The following RPGR variants were observed in gnomAD, a reference collection of about 807,000 sequenced individuals.
The protein encoded by RPGR is X-linked retinitis pigmentosa GTPase regulator.
A neutral mutation model predicts 56.3 loss-of-function variants in RPGR; 10 were observed. The ratio of observed to expected loss-of-function variants is 0.18; its 90% CI spans 0.11 to 0.30. The LOEUF (loss-of-function observed/expected upper bound fraction) is 0.30, where lower values mean the gene tolerates loss of function less well. Ranked by LOEUF, RPGR falls within the 10% of genes least tolerant of loss-of-function variation. The pLI, the probability that RPGR is intolerant of heterozygous loss-of-function variation, is 1.00. For synonymous variants in RPGR, 197 were observed against 212.9 expected, an observed-to-expected ratio of 0.93 and a Z score of 0.65; for missense variants, 538 against 590.9, an observed-to-expected ratio of 0.91 and a Z score of 0.93.
At chrX:38,279,160 CACTT>C in intron 15 of RPGR, 1 of 331,236 alleles carries the variant, frequency 3.0e-6, no homozygotes, top group South Asian at 2.6e-5. Context: ...TCACAGAAAG[CACTT>C]ACCTTTTAAA....
Position 38,301,242 on chromosome X carries a change from C to T in RPGR, c.1059+5G>A, listed in dbSNP as rs1167310152. On this transcript the variant is annotated splice_donor_5th_base_variant and intron_variant, in intron 9 of 18. Transcript: ENST00000642395. ...AATATAAACAGGGAAATGTGATGCC[C>T]TTACCAATTTAACTATAAACCTCAA... The T allele has an allele frequency of 2.5e-6, 3 of 1,191,320 alleles. No individual in the cohort carries two copies. The highest frequency in any genetic ancestry group is 3.4e-6 in the Non-Finnish European group (3 of 880,123).
chrX:38,277,512 T>C (rs1373310766), intron 15 of RPGR, among the ~76,000 whole-genome samples: 1 of 111,173 alleles, frequency 9.0e-6, no homozygotes, highest in Non-Finnish European at 1.9e-5. Context: ...TGAAATACTC[T>C]GATTGTCATT....
intron 6 of RPGR, among the ~76,000 whole-genome samples, chrX:38,312,242 C>T (rs2067732261): frequency 9.0e-6 from 1 of 111,469 alleles, no homozygotes; most frequent in Non-Finnish European, 1.9e-5. Flanking sequence ...AAAGTGGTGC[C>T]CAGTAAGTTA....
chrX:38,292,046 T>C (rs1035908436), intron 11 of RPGR, among the ~76,000 whole-genome samples: 1 of 110,805 alleles, frequency 9.0e-6, no homozygotes, highest in East Asian at 2.9e-4. Context: ...TCACTTGCTC[T>C]GTAGGAGTCC....
intron 15 of RPGR, chrX:38,287,083 C>T (rs1245516399): frequency 2.5e-6 from 3 of 1,208,282 alleles, no homozygotes; most frequent in African/African-American, 3.5e-5. Context: ...TTTTGCCTTG[C>T]CTTCACTCAC....
Position 38,297,324 on chromosome X carries a change from A to T in RPGR, c.1374T>A (p.Ser458Arg). The change falls in exon 11 of 19, where the codon AGT (serine) becomes AGA (arginine). Residue 458 changes from serine to arginine, a missense_variant. Ser to Arg is a moderately radical substitution (Grantham distance 110, BLOSUM62 -1). Coordinates refer to ENST00000642395, the MANE Select transcript of RPGR (RefSeq NM_000328.3). ...GCATGAGGTCCTGTTCAGATAAGAC[A>T]CTCTCTTGGAGGTTTCTCTCAGAAC... is the stretch of plus-strand genomic sequence containing the variant. 8.3e-7 allele frequency: 1 copy of T among 1,210,184 alleles called. No individual in the cohort carries two copies. The highest frequency in any genetic ancestry group is 1.1e-6 in the Non-Finnish European group (1 of 895,033).
chrX:38,301,455 A>G, intron 8 of RPGR, 84 bp from the exon 9 acceptor site: 1 of 872,184 alleles, frequency 1.1e-6, no homozygotes, highest in African/African-American at 2.0e-5. Context: ...GTTAACTCAT[A>G]CTGCAATTAT....
chrX:38,286,440 T>G, intron 15 of RPGR: 1 of 690,669 alleles, frequency 1.4e-6, no homozygotes. Flanking sequence ...TCCCTTCTCC[T>G]TCCTCCTCTT....
At chrX:38,299,281 G>A in intron 9 of RPGR, 140 bp from the exon 10 acceptor site, 2 of 562,213 alleles carry the variant, frequency 3.6e-6, no homozygotes, top group Non-Finnish European at 3.0e-6. Context: ...CTGTCTATAC[G>A]TATGTGTGTG....
chrX:38,325,282 G>A (rs1486943707), intron 1 of RPGR, among the ~76,000 whole-genome samples: 3 of 110,686 alleles, frequency 2.7e-5, no homozygotes, highest in Non-Finnish European at 5.7e-5. Flanking sequence ...GTTACAGAGG[G>A]TATGCACTAC....
chrX:38,285,583 T>G lies in RPGR; in HGVS notation c.1905+1511A>C, dbSNP rs756242105. On this transcript the variant is annotated intron_variant, in intron 15 of 18. Coordinates refer to ENST00000642395, the MANE Select transcript of RPGR (RefSeq NM_000328.3). Reference sequence around the variant, plus strand: ...ATGTGGTAATACATTATTCCAGAACTTTTTGGAACCTGATGGCCCGTTTTT... The same window carrying G: ...ATGTGGTAATACATTATTCCAGAACGTTTTGGAACCTGATGGCCCGTTTTT... 12 of 1,211,724 alleles carry G rather than the reference T, an allele frequency of 9.9e-6. No homozygotes were observed. In the Admixed American group the frequency reaches 2.6e-4, roughly 26 times the overall value.
chrX:38,315,846 G>A (rs2067817248), intron 6 of RPGR, among the ~76,000 whole-genome samples: 2 of 105,579 alleles, frequency 1.9e-5, no homozygotes, highest in African/African-American at 6.9e-5. Context: ...TATAGAGAGA[G>A]AGAGAGAGAG....
intron 10 of RPGR, chrX:38,298,389 C>T (rs764716561): frequency 3.5e-5 from 11 of 318,813 alleles, no homozygotes; most frequent in Non-Finnish European, 6.6e-5. Context: ...GTCCTTATTC[C>T]TTTGTTTTCC....
chrX:38,285,413 GCTTT>G (rs1257492360), intron 15 of RPGR: 6 of 1,101,871 alleles, frequency 5.4e-6, no homozygotes, highest in Non-Finnish European at 7.0e-6. Flanking sequence ...TGCATCAGTT[GCTTT>G]TTTTTTTACT....
At chrX:38,273,307 A>G in intron 18 of RPGR, 3 of 797,800 alleles carry the variant, frequency 3.8e-6, no homozygotes, top group Non-Finnish European at 5.6e-6. Flanking sequence ...AGAGAGTTAA[A>G]TTATGTGGAT....
intron 4 of RPGR, among the ~76,000 whole-genome samples, chrX:38,319,550 C>G (rs1205016665): frequency 8.9e-6 from 1 of 111,779 alleles, no homozygotes; most frequent in Admixed American, 9.5e-5. Context: ...TCTGGCTTAC[C>G]ACTTACCAAA....
chrX:38,286,665 C>T (rs1601923221), intron 15 of RPGR: 2 of 1,138,582 alleles, frequency 1.8e-6, no homozygotes, highest in Non-Finnish European at 2.3e-6. Context: ...CCGCTCTTTC[C>T]TCCTTTTTCC....
At chrX:38,274,737 C>A (rs1191021013) in intron 17 of RPGR, among the ~76,000 whole-genome samples, 4 of 111,831 alleles carry the variant, frequency 3.6e-5, no homozygotes, top group Non-Finnish European at 7.5e-5. Flanking sequence ...ATCACTTGAA[C>A]CTGGGAGGTG....
intron 13 of RPGR, among the ~76,000 whole-genome samples, chrX:38,288,805 G>A (rs1469939246): frequency 1.8e-5 from 2 of 110,389 alleles, no homozygotes; most frequent in South Asian, 3.8e-4. Flanking sequence ...TTCTTGAGAC[G>A]GAGTTTCATT....
Sources: allele counts gnomAD v4.1 joint callset (sites outside exome capture counted in the v4.1 genomes callset), GRCh38; gene constraint gnomAD v4.1.1; transcripts MANE v1.5; gene names NCBI Gene and HGNC (gene_info 2026-07-23, HGNC 2026-07-21).